The following UBR4 variants were observed in gnomAD, a reference collection of about 807,000 sequenced individuals.
UBR4 encodes the protein E3 ubiquitin-protein ligase UBR4.
A neutral mutation model predicts 575.6 loss-of-function variants in UBR4; 124 were observed. The ratio of observed to expected loss-of-function variants is 0.22; its 90% CI spans 0.19 to 0.25. The LOEUF is 0.25. Ranked by LOEUF, UBR4 falls within the 10% of genes least tolerant of loss-of-function variation. The probability of loss-of-function intolerance (pLI) is 1.00; values close to 1 mark genes in which losing one functional copy is unlikely to be tolerated. For synonymous variants in UBR4, 2,455 were observed against 2,473.7 expected, an observed-to-expected ratio of 0.99 and a Z score of 0.22; for missense variants, 4,818 against 6,478.8, an observed-to-expected ratio of 0.74 and a Z score of 8.80.
intron 55 of UBR4, among the ~76,000 whole-genome samples, chr1:19,142,179 GAATTT>G (rs1351153433): frequency 1.3e-5 from 2 of 152,176 alleles, no homozygotes; most frequent in Non-Finnish European, 1.5e-5. Flanking sequence ...TGGCAGATTA[GAATTT>G]ATTTCACTAT....
chr1:19,177,209 C>T (rs1393772330), intron 19 of UBR4, among the ~76,000 whole-genome samples: 4 of 152,126 alleles, frequency 2.6e-5, no homozygotes, highest in African/African-American at 7.2e-5. Flanking sequence ...CAGGGCAATT[C>T]GTGGGAGAAT....
In UBR4 at chr1:19,110,519, C is replaced by A; in HGVS notation, c.11893-55G>T. ...AAGAGGGTCAGCTCCGGTCCAGCGA[C>A]TCTTAACTATTAATACAATTTCTGG... On this transcript the variant is annotated intron_variant, in intron 79 of 105. Coordinates refer to ENST00000375254, the MANE Select transcript of UBR4 (RefSeq NM_020765.3). The surrounding 1 kb of genome is among the most constrained non-coding windows in gnomAD (Gnocchi z 4.5). 6.4e-7 allele frequency: 1 copy of A among 1,561,616 alleles called. No homozygotes were observed. The highest frequency in any genetic ancestry group is 1.1e-5 in the South Asian group (1 of 88,500).
In UBR4 at chr1:19,122,816, G is replaced by A. The variant is rs1395826399; in HGVS notation, c.9816+17C>T. 1 of 1,613,978 alleles carries A rather than the reference G, an allele frequency of 6.2e-7. No individual in the cohort carries two copies. The highest frequency in any genetic ancestry group is 1.1e-5 in the South Asian group (1 of 91,068). On this transcript the variant is annotated intron_variant, in intron 66 of 105. Transcript: ENST00000375254. ...CACATCCCCCCTCCCTGCCCTACCA[G>A]GTCCCAGCCCTCGTACCAGGCTGAT...
chr1:19,178,533 G>A (rs949799301), intron 18 of UBR4, among the ~76,000 whole-genome samples: 1 of 152,168 alleles, frequency 6.6e-6, no homozygotes, highest in East Asian at 1.9e-4. Context: ...ATCCTACAAT[G>A]GGGAACAGAA....
At position 19,121,374 on chromosome 1, in the gene UBR4, A is replaced by G. The variant is rs972017812; in HGVS notation, c.9956T>C (p.Leu3319Pro). 3 of 1,614,044 alleles carry G rather than the reference A, an allele frequency of 1.9e-6. No homozygotes were observed. The African/African-American group carries it at 4.0e-5, about 22-fold the overall frequency. The change falls in exon 68 of 106, where the codon CTG (leucine) becomes CCG (proline). Residue 3319 changes from leucine (L) to proline (P), a missense_variant. Coordinates refer to ENST00000375254, the MANE Select transcript of UBR4 (RefSeq NM_020765.3). ...CAGAGCACAGGAGAGCAGTTGCAGC[A>G]GCACTGGGGACACGCCCTCATCCAC... ...FLVDEGVSPV[L>P]LQLLSCALCG...
rs760707578 is a variant in UBR4, at chr1:19,120,166, A to G, written c.10310+14T>C. ...ACACCCTTGCAGATCTGTCAAACCAAGCCCTGGCCCTACCTGTAGATGTGC... is the reference window on the plus strand; with the variant it reads ...ACACCCTTGCAGATCTGTCAAACCAGGCCCTGGCCCTACCTGTAGATGTGC... On this transcript the variant is annotated intron_variant, in intron 69 of 105. Transcript: ENST00000375254. 5.6e-6 allele frequency: 9 copies of G among 1,612,464 alleles called. No individual in the cohort carries two copies. The East Asian group carries it at 2.0e-4, about 36-fold the overall frequency.
At chr1:19,083,201 G>C (rs1459002465) in intron 102 of UBR4, among the ~76,000 whole-genome samples, 1 of 152,198 alleles carries the variant, frequency 6.6e-6, no homozygotes, top group Non-Finnish European at 1.5e-5. Flanking sequence ...AGTGCTGCCA[G>C]GTGCTGCTCC....
At chr1:19,098,969 G>A (rs6426673) in intron 90 of UBR4, among the ~76,000 whole-genome samples, 14,639 of 152,182 alleles carry the variant, frequency 0.096, 780 homozygotes, top group Non-Finnish European at 0.12. Flanking sequence ...AAAGAAACAG[G>A]AAGAGAGGAA....
chr1:19,146,560 T>C (rs77965219), intron 52 of UBR4, among the ~76,000 whole-genome samples: 7,917 of 152,268 alleles, frequency 0.052, 277 homozygotes, highest in Non-Finnish European at 0.085. Context: ...TCCTAAGAGG[T>C]AATAACTTCA....
chr1:19,138,602 C>A (rs986334401), intron 59 of UBR4, among the ~76,000 whole-genome samples: 2 of 152,094 alleles, frequency 1.3e-5, no homozygotes, highest in African/African-American at 4.8e-5. Flanking sequence ...AGAGCCCCAC[C>A]TCATCAGCTA....
rs976583915 is a variant in UBR4, at chr1:19,187,661, G to C, written c.1395-121C>G. On this transcript the variant is annotated intron_variant, in intron 11 of 105. Transcript: ENST00000375254. ...CCCTTTCAGACTCTGTGGACCTTCA[G>C]AAAAAAAAAATTGTACATACATACA... is the stretch of plus-strand genomic sequence containing the variant. The C allele has an allele frequency of 5.4e-6, 4 of 745,962 alleles. No homozygotes were observed. In the African/African-American group the frequency reaches 5.5e-5, roughly 10 times the overall value. 46.2% of individuals were successfully genotyped at this position (745,962 alleles called of 1,614,324 possible). A position where few individuals can be genotyped will look rare whatever the true frequency, so the allele number is the denominator to read the frequency against.
intron 28 of UBR4, 75 bp downstream of exon 28, chr1:19,167,952 A>C: frequency 7.1e-7 from 1 of 1,418,152 alleles, no homozygotes; most frequent in Non-Finnish European, 9.4e-7. Context: ...CATAGTTATA[A>C]AACTCTCACT....
intron 18 of UBR4, among the ~76,000 whole-genome samples, chr1:19,178,479 CAAG>C (rs2151070870): frequency 6.6e-6 from 1 of 152,320 alleles, no homozygotes; most frequent in East Asian, 1.9e-4. Flanking sequence ...CTTTGGCACT[CAAG>C]AAGGTTTATG....
chr1:19,197,185 C>T lies in UBR4; in HGVS notation c.974G>A (p.Arg325His), dbSNP rs1220926322. 2.5e-6 allele frequency: 4 copies of T among 1,613,928 alleles called. No homozygotes were observed. Among genetic ancestry groups the T allele is most frequent in the Non-Finnish European group, 3.4e-6 (4 of 1,180,012 alleles). ...LPVLEPLNPSRLQDVTVLSLS... is the reference protein window; with the variant it reads ...LPVLEPLNPSHLQDVTVLSLS... ...GCTGAGGACTGTCACATCTTGTAGA[C>T]GAGAAGGATTGAGAGGTTCCAACAC... is the stretch of plus-strand genomic sequence containing the variant. Residue 325 changes from arginine (R) to histidine (H), a missense_variant, in exon 8 of 106, where the codon CGT becomes CAT. Around this residue, in one of 29 missense-constraint regions of UBR4, gnomAD observed 131 missense variants for 214.5 expected, o/e 0.61. Coordinates refer to ENST00000375254, the MANE Select transcript of UBR4 (RefSeq NM_020765.3).
chr1:19,150,748 A>G lies in UBR4; in HGVS notation c.7259T>C (p.Val2420Ala), dbSNP rs2085560266. Reference protein sequence around the residue: ...DPAGVTMIDAVKIYGKTKEQF... With the variant: ...DPAGVTMIDAAKIYGKTKEQF... Reference sequence around the variant, plus strand: ...CTCCTTAGTCTTGCCATAAATTTTTACAGCATCTATCATGGTGACACCTGC... The same window carrying G: ...CTCCTTAGTCTTGCCATAAATTTTTGCAGCATCTATCATGGTGACACCTGC... Residue 2420 changes from valine to alanine, a missense_variant, in exon 49 of 106, where the codon GTA becomes GCA. Val to Ala is a moderately conservative substitution (Grantham distance 64). Around this residue, in one of 29 missense-constraint regions of UBR4, gnomAD observed 340 missense variants for 375.4 expected, o/e 0.91. Coordinates refer to ENST00000375254, the MANE Select transcript of UBR4 (RefSeq NM_020765.3). 6.8e-6 allele frequency: 11 copies of G among 1,614,122 alleles called. No homozygotes were observed. The highest frequency in any genetic ancestry group is 9.3e-6 in the Non-Finnish European group (11 of 1,180,004).
intron 8 of UBR4, among the ~76,000 whole-genome samples, 173 bp downstream of exon 8, chr1:19,196,968 C>A (rs760492597): frequency 2.0e-5 from 3 of 152,158 alleles, no homozygotes; most frequent in Non-Finnish European, 4.4e-5. Flanking sequence ...AACAACAGGA[C>A]CATTTACAAA....
intron 103 of UBR4, chr1:19,080,560 C>T (rs1215739443): frequency 6.6e-6 from 1 of 152,198 alleles, no homozygotes; most frequent in Admixed American, 6.5e-5. Context: ...AATCACAAAC[C>T]CGATCTTCCA....
intron 17 of UBR4, among the ~76,000 whole-genome samples, 192 bp downstream of exon 17, chr1:19,183,619 G>A (rs1037333053): frequency 6.6e-6 from 1 of 152,218 alleles, no homozygotes; most frequent in African/African-American, 2.4e-5. Flanking sequence ...CTACTCTGGA[G>A]GCTGAGGCAG....
At chr1:19,131,851 C>A (rs1345056317) in intron 60 of UBR4, among the ~76,000 whole-genome samples, 1 of 152,118 alleles carries the variant, frequency 6.6e-6, no homozygotes, top group Non-Finnish European at 1.5e-5. Flanking sequence ...CCAGCCTGGG[C>A]AACAAGAGTG....
Sources: allele counts gnomAD v4.1 joint callset (sites outside exome capture counted in the v4.1 genomes callset), GRCh38; gene constraint gnomAD v4.1.1; regional missense constraint gnomAD v4.1.1; non-coding constraint Gnocchi (gnomAD v3.1); transcripts MANE v1.5; gene names NCBI Gene and HGNC (gene_info 2026-07-23, HGNC 2026-07-21).